Variants in SPAG16 observed in about 807,000 individuals in gnomAD.
SPAG16 encodes the protein sperm associated antigen 16.
SPAG16 carries 86 observed loss-of-function variants against 80.4 expected under a neutral mutation model. The observed-to-expected ratio is 1.07, with a 90% CI of 0.90 to 1.28. The LOEUF (loss-of-function observed/expected upper bound fraction) is 1.28, where lower values mean the gene tolerates loss of function less well. SPAG16 is among the 50% of genes most tolerant of loss of function. The pLI is 0.00. For synonymous variants in SPAG16, 294 were observed against 265.9 expected (o/e 1.11, Z -1.03); for missense variants, 870 against 765.3 (o/e 1.14, Z -1.61).
chr2:213,591,372 G>A (rs540675413), intron 10 of SPAG16, among the ~76,000 whole-genome samples: 202 of 152,142 alleles, frequency 1.3e-3, no homozygotes, highest in Non-Finnish European at 2.3e-3. Context: ...ACATCAATTA[G>A]TAGTAAGAAT....
At chr2:213,781,995 C>G (rs1281703031) in intron 10 of SPAG16, among the ~76,000 whole-genome samples, 1 of 152,110 alleles carries the variant, frequency 6.6e-6, no homozygotes, top group Non-Finnish European at 1.5e-5. Context: ...TGTGTTTTCA[C>G]CTCTTCAGAG....
intron 10 of SPAG16, among the ~76,000 whole-genome samples, chr2:213,672,613 T>G (rs2063854804): frequency 6.6e-6 from 1 of 152,124 alleles, no homozygotes; most frequent in Non-Finnish European, 1.5e-5. Context: ...TTTTATTGAG[T>G]CTATTGTCAT....
intron 10 of SPAG16, among the ~76,000 whole-genome samples, chr2:213,818,301 A>C (rs1444584691): frequency 6.6e-6 from 1 of 152,158 alleles, no homozygotes; most frequent in Non-Finnish European, 1.5e-5. Flanking sequence ...GTTCACAGTA[A>C]AGTTCCACCC....
chr2:213,729,805 C>T (rs1320042016), intron 10 of SPAG16, among the ~76,000 whole-genome samples: 1 of 152,156 alleles, frequency 6.6e-6, no homozygotes, highest in Non-Finnish European at 1.5e-5. Flanking sequence ...AGAGCAAAAA[C>T]ATCAGATTTT....
chr2:213,429,551 A>G (rs1182894327), intron 9 of SPAG16, among the ~76,000 whole-genome samples: 1 of 152,224 alleles, frequency 6.6e-6, no homozygotes, highest in African/African-American at 2.4e-5. Flanking sequence ...ACACAATCCA[A>G]TACAAAATTT....
At chr2:213,712,689 G>C (rs1236886570) in intron 10 of SPAG16, among the ~76,000 whole-genome samples, 1 of 152,026 alleles carries the variant, frequency 6.6e-6, no homozygotes, top group Non-Finnish European at 1.5e-5. Context: ...TCCATATCAA[G>C]TGAAGCTGTC....
At chr2:214,359,689 G>T (rs937712805) in intron 15 of SPAG16, among the ~76,000 whole-genome samples, 1 of 151,734 alleles carries the variant, frequency 6.6e-6, no homozygotes, top group Non-Finnish European at 1.5e-5. Flanking sequence ...ATTTTCAAGA[G>T]AAATAAGTGA....
intron 13 of SPAG16, among the ~76,000 whole-genome samples, chr2:214,058,764 A>C (rs1418589891): frequency 6.6e-6 from 1 of 152,156 alleles, no homozygotes; most frequent in Non-Finnish European, 1.5e-5. Flanking sequence ...GAAAACAAAC[A>C]ATATATTTAT....
At chr2:213,833,488 A>G in intron 10 of SPAG16, among the ~76,000 whole-genome samples, 1 of 1,576 alleles carries the variant, frequency 6.3e-4, no homozygotes, top group East Asian at 0.062. Flanking sequence ...TATATATATT[A>G]TATATAATAT....
chr2:213,388,812 A>T (rs927691141), intron 9 of SPAG16, among the ~76,000 whole-genome samples: 2 of 152,224 alleles, frequency 1.3e-5, no homozygotes, highest in African/African-American at 4.8e-5. Context: ...GCTAAAAAAC[A>T]TTGCTGAGGG....
intron 5 of SPAG16, among the ~76,000 whole-genome samples, chr2:213,321,109 G>A (rs942578576): frequency 6.6e-6 from 1 of 151,786 alleles, no homozygotes; most frequent in Non-Finnish European, 1.5e-5. Flanking sequence ...TATTTCTTAA[G>A]GCAAAATAAA....
intron 10 of SPAG16, among the ~76,000 whole-genome samples, chr2:213,775,647 C>G (rs1337793298): frequency 1.3e-5 from 2 of 152,222 alleles, no homozygotes; most frequent in African/African-American, 4.8e-5. Flanking sequence ...TCCCCTCAGT[C>G]CCTGCTACTT....
intron 9 of SPAG16, among the ~76,000 whole-genome samples, chr2:213,484,060 G>T (rs2073869745): frequency 6.6e-6 from 1 of 151,814 alleles, no homozygotes; most frequent in South Asian, 2.1e-4. Flanking sequence ...GAATGTTTAT[G>T]GTTGTACATC....
At chr2:214,214,198 T>TTTTTTTTTA (rs1164264413) in intron 15 of SPAG16, among the ~76,000 whole-genome samples, 1 of 151,460 alleles carries the variant, frequency 6.6e-6, no homozygotes, top group African/African-American at 2.4e-5. Flanking sequence ...TTTTTTTTTT[T>TTTTTTTTTA]GAGACAGAGT....
At chr2:213,941,499 G>C (rs747869495) in intron 12 of SPAG16, among the ~76,000 whole-genome samples, 1 of 152,024 alleles carries the variant, frequency 6.6e-6, no homozygotes, top group Non-Finnish European at 1.5e-5. Context: ...TCTTGGGATC[G>C]TGACATAAAT....
At chr2:214,343,941 G>T (rs1049786948) in intron 15 of SPAG16, among the ~76,000 whole-genome samples, 3 of 152,100 alleles carry the variant, frequency 2.0e-5, no homozygotes, top group Admixed American at 6.6e-5. Context: ...GCAGTTCTGG[G>T]TCTCAAACTC....
intron 9 of SPAG16, among the ~76,000 whole-genome samples, chr2:213,436,504 T>C (rs978817831): frequency 3.3e-5 from 5 of 152,238 alleles, no homozygotes; most frequent in African/African-American, 7.2e-5. Flanking sequence ...TGGATTATTT[T>C]ACTCTTATCA....
chr2:214,095,372 A>G (rs568545266), intron 13 of SPAG16, among the ~76,000 whole-genome samples: 2 of 152,212 alleles, frequency 1.3e-5, no homozygotes, highest in East Asian at 3.9e-4. Context: ...ATGGAAAAAG[A>G]GCTTCAAATT....
At chr2:214,076,515 G>C (rs1256939774) in intron 13 of SPAG16, among the ~76,000 whole-genome samples, 1 of 53,620 alleles carries the variant, frequency 1.9e-5, no homozygotes, top group Non-Finnish European at 5.0e-5. Context: ...ATTTTATTCT[G>C]TGTGTGTGTG....
Sources: allele counts gnomAD v4.1 joint callset (sites outside exome capture counted in the v4.1 genomes callset), GRCh38; gene constraint gnomAD v4.1.1; transcripts MANE v1.5; gene names NCBI Gene and HGNC (gene_info 2026-07-23, HGNC 2026-07-21).